The following PRKN variants were observed in gnomAD, a reference collection of about 807,000 sequenced individuals.
The protein encoded by PRKN is E3 ubiquitin-protein ligase parkin.
In PRKN, 56 loss-of-function variants were observed where a neutral mutation model predicts 59.5. The observed-to-expected ratio is 0.94, with a 90% CI of 0.76 to 1.18. The LOEUF is 1.18. Ranked by LOEUF, PRKN falls within the 50% of genes most tolerant of loss-of-function variation. The probability of loss-of-function intolerance (pLI) is 0.00; values close to 1 mark genes in which losing one functional copy is unlikely to be tolerated. For missense variants in PRKN, 657 were observed against 596.4 expected (o/e 1.10, Z -1.06); for synonymous variants, 250 against 222.1 (o/e 1.13, Z -1.12).
intron 6 of PRKN, among the ~76,000 whole-genome samples, chr6:161,879,253 C>T (rs1423261940): frequency 6.6e-6 from 1 of 151,996 alleles, no homozygotes; most frequent in African/African-American, 2.4e-5. Context: ...CACACTTTTA[C>T]CCTCTAGGTA....
intron 2 of PRKN, among the ~76,000 whole-genome samples, chr6:162,389,022 AAAC>A (rs1397177005): frequency 6.6e-6 from 1 of 151,434 alleles, no homozygotes; most frequent in Non-Finnish European, 1.5e-5. Flanking sequence ...AAAAAAAAAA[AAAC>A]AAAAAAACCT....
At chr6:161,501,132 C>G (rs752944180) in intron 9 of PRKN, among the ~76,000 whole-genome samples, 1 of 152,152 alleles carries the variant, frequency 6.6e-6, no homozygotes, top group Non-Finnish European at 1.5e-5. Flanking sequence ...CTCAACCTCC[C>G]AAGCGCTGGG....
In PRKN at chr6:161,586,351, C is replaced by A. The variant is rs531375951; in HGVS notation, c.872-16935G>T. Among the ~76,000 whole-genome samples, 121 of 152,246 alleles carry A rather than the reference C, an allele frequency of 7.9e-4. 1 individual carries two copies. Among genetic ancestry groups the A allele is most frequent in the African/African-American group, 2.8e-3 (118 of 41,558 alleles). ...TGGTTTTGTCACTATATTGCCATAG[C>A]AAAATTCAGGTCAGTGGGACTTGAG... On this transcript the variant is annotated intron_variant, in intron 7 of 11. Transcript: ENST00000366898.
At chr6:162,158,560 T>C (rs1439838639) in intron 4 of PRKN, among the ~76,000 whole-genome samples, 2 of 151,830 alleles carry the variant, frequency 1.3e-5, no homozygotes, top group African/African-American at 2.4e-5. Context: ...TCCTCCAGAG[T>C]AGCTGGGACT....
At chr6:162,020,417 G>T (rs1783101562) in intron 5 of PRKN, among the ~76,000 whole-genome samples, 1 of 136,540 alleles carries the variant, frequency 7.3e-6, no homozygotes, top group Admixed American at 7.5e-5. Flanking sequence ...CCTATTTAAA[G>T]ATATGAATGT....
At chr6:162,294,500 T>C (rs1583328831) in intron 2 of PRKN, among the ~76,000 whole-genome samples, 1 of 152,258 alleles carries the variant, frequency 6.6e-6, no homozygotes, top group East Asian at 1.9e-4. Flanking sequence ...CCAGGATTAG[T>C]AAATTTAGAC....
chr6:162,647,949 CAA>C lies in PRKN; in HGVS notation c.7+79711_7+79712del, dbSNP rs398003250. Among the ~76,000 whole-genome samples, 698 of 75,344 alleles carry C rather than the reference CAA, an allele frequency of 9.3e-3. 2 individuals carry two copies. The highest frequency in any genetic ancestry group is 0.036 in the African/African-American group (631 of 17,690). 49.4% of individuals were successfully genotyped at this position (75,344 alleles called of 152,430 possible). A position where few individuals can be genotyped will look rare whatever the true frequency, so the allele number is the denominator to read the frequency against. On this transcript the variant is annotated intron_variant, in intron 1 of 11. Transcript: ENST00000366898. ...GAACCATCTCTATATGTCCACAGTGCAAAAAAAAAAAAAAAAAAAAAAAAAAA... is the reference window on the plus strand; with the variant it reads ...GAACCATCTCTATATGTCCACAGTGCAAAAAAAAAAAAAAAAAAAAAAAAA...
In PRKN at chr6:162,256,047, T is replaced by C. The variant is rs79557731; in HGVS notation, c.412+6478A>G. On this transcript the variant is annotated intron_variant, in intron 3 of 11. Transcript: ENST00000366898. ...AATAACACACCTCTAACACCAAAGGTAGTCAACCTTTGGGGATTGAGGAAG... is the reference window on the plus strand; with the variant it reads ...AATAACACACCTCTAACACCAAAGGCAGTCAACCTTTGGGGATTGAGGAAG... 6.1e-3 allele frequency among the ~76,000 whole-genome samples: 921 copies of C among 152,166 alleles called. 24 individuals are homozygous for C. In the South Asian group the frequency reaches 0.063, roughly 10 times the overall value.
At chr6:161,489,015 A>G (rs1412273578) in intron 9 of PRKN, among the ~76,000 whole-genome samples, 1 of 152,222 alleles carries the variant, frequency 6.6e-6, no homozygotes, top group Non-Finnish European at 1.5e-5. Context: ...GAAGAAAAAC[A>G]TGAAAGAAAA....
chr6:162,458,179 C>T (rs1790981271), intron 1 of PRKN, among the ~76,000 whole-genome samples: 1 of 136,704 alleles, frequency 7.3e-6, no homozygotes, highest in South Asian at 2.2e-4. Flanking sequence ...TTGCTTGAAC[C>T]TGGGAGGTAG....
chr6:161,369,221 G>A lies in PRKN; in HGVS notation c.1168-9016C>T, dbSNP rs1430665099. On this transcript the variant is annotated intron_variant, in intron 10 of 11. Coordinates refer to ENST00000366898, the MANE Select transcript of PRKN (RefSeq NM_004562.3). This position sits in a 1 kb window ranked among gnomAD's most constrained non-coding sequence, Gnocchi z 5.8. ...TCTGGAGTGATCTCAAGCAGTGGCT[G>A]GGTGCCCACAGGTTCAAGATCACCA... Among the ~76,000 whole-genome samples the A allele has an allele frequency of 6.6e-6, 1 of 152,208 alleles. No individual in the cohort carries two copies. Among genetic ancestry groups the A allele is most frequent in the Non-Finnish European group, 1.5e-5 (1 of 68,030 alleles).
intron 1 of PRKN, among the ~76,000 whole-genome samples, chr6:162,722,603 A>G (rs1298721868): frequency 6.6e-6 from 1 of 152,268 alleles, no homozygotes; most frequent in Non-Finnish European, 1.5e-5. Context: ...TTCATTGATC[A>G]AAGAACTAAT....
intron 4 of PRKN, among the ~76,000 whole-genome samples, chr6:162,090,636 T>C (rs1437543505): frequency 6.6e-6 from 1 of 152,164 alleles, no homozygotes; most frequent in East Asian, 1.9e-4. Context: ...ACATCAAATA[T>C]ACAAGTGTCT....
At chr6:161,358,425 C>T (rs1325841587) in intron 11 of PRKN, among the ~76,000 whole-genome samples, 1 of 152,016 alleles carries the variant, frequency 6.6e-6, no homozygotes, top group Non-Finnish European at 1.5e-5. Context: ...CCAGCCTGGC[C>T]GACATATAGT....
At chr6:162,217,910 G>A (rs918361313) in intron 3 of PRKN, among the ~76,000 whole-genome samples, 2 of 152,062 alleles carry the variant, frequency 1.3e-5, no homozygotes, top group East Asian at 1.9e-4. Flanking sequence ...TAATCTATCC[G>A]ACTTCTAAGT....
At chr6:162,236,857 GGAAA>G (rs1276931651) in intron 3 of PRKN, among the ~76,000 whole-genome samples, 1 of 148,044 alleles carries the variant, frequency 6.8e-6, no homozygotes, top group Non-Finnish European at 1.5e-5. Context: ...GAGGAAGGAA[GGAAA>G]GAGAGAGAAA....
chr6:162,111,247 C>T (rs1360158064), intron 4 of PRKN, among the ~76,000 whole-genome samples: 3 of 152,010 alleles, frequency 2.0e-5, no homozygotes, highest in African/African-American at 7.2e-5. Context: ...GGGCAGATCA[C>T]GAGGTCAGGA....
chr6:162,578,463 A>T (rs1780650229), intron 1 of PRKN, among the ~76,000 whole-genome samples: 1 of 152,236 alleles, frequency 6.6e-6, no homozygotes, highest in South Asian at 2.1e-4. Context: ...GATCTCATAC[A>T]TATTTAAACA....
At chr6:162,147,755 T>G (rs183461349) in intron 4 of PRKN, among the ~76,000 whole-genome samples, 1 of 152,236 alleles carries the variant, frequency 6.6e-6, no homozygotes, top group Non-Finnish European at 1.5e-5. Flanking sequence ...ATATTAGCAA[T>G]AACCAAAGAG....
Sources: gnomAD v4.1 joint callset for allele counts (sites outside exome capture counted in the v4.1 genomes callset) on GRCh38, gnomAD v4.1.1 for gene constraint, Gnocchi (gnomAD v3.1) non-coding constraint, MANE v1.5 for transcripts, NCBI Gene and HGNC (gene_info 2026-07-23, HGNC 2026-07-21) for gene names.